PABIR3: variants seen among roughly 807,000 people sequenced by gnomAD.
PABIR3 encodes PABIR family member 3.
PABIR3 carries 20 observed loss-of-function variants against 23.1 expected under a neutral mutation model. That is an observed-to-expected ratio of 0.86 (90% confidence interval 0.61 to 1.26). The LOEUF is 1.26. PABIR3 is among the 50% of genes most tolerant of loss of function. The probability of loss-of-function intolerance (pLI) is 0.00; values close to 1 mark genes in which losing one functional copy is unlikely to be tolerated. For synonymous variants in PABIR3, 69 were observed against 68.5 expected (o/e 1.01, Z -0.04); for missense variants, 189 against 195.4 (o/e 0.97, Z 0.20).
At chrX:134,821,707 C>T in intron 3 of PABIR3, 2 of 999,160 alleles carry the variant, frequency 2.0e-6, no homozygotes, top group Non-Finnish European at 2.6e-6. Flanking sequence ...AAGTTGCAAG[C>T]ATGTAATACA....
At chrX:134,796,442 G>C (rs1011926514), upstream of PABIR3, 4 of 369,407 alleles carry the variant, frequency 1.1e-5, no homozygotes, top group Admixed American at 1.8e-4. Context: ...AGAGGAGGAC[G>C]AAGAGGTAGT....
chrX:134,862,867 C>T, the PABIR3 span, among the ~76,000 whole-genome samples: 1 of 111,680 alleles, frequency 9.0e-6, no homozygotes, highest in South Asian at 3.7e-4. Flanking sequence ...CTAATTTGTC[C>T]TAGGGAATGC....
rs189566860 is a variant in PABIR3, at chrX:134,820,422, T to C, written c.189+5573T>C. ...GTCCTATACTGGTCTATCCTTAAAA[T>C]TGGTGCCACAGGCATCTAAAGTAGC... On this transcript the variant is annotated intron_variant, in intron 3 of 10. Coordinates refer to ENST00000645433, the MANE Select transcript of PABIR3 (RefSeq NM_001388447.1). 1.3e-4 allele frequency among the ~76,000 whole-genome samples: 14 copies of C among 111,685 alleles called. No individual in the cohort carries two copies. The East Asian group carries it at 3.4e-3, about 27-fold the overall frequency.
chrX:134,848,236 C>G (rs752893005), intron 8 of PABIR3, among the ~76,000 whole-genome samples: 1 of 109,954 alleles, frequency 9.1e-6, no homozygotes, highest in South Asian at 3.9e-4. Flanking sequence ...ACTAAAAATA[C>G]AAAAATAGCC....
rs190334636 is a variant in PABIR3, at chrX:134,824,716, C to G, written c.190-4510C>G. 3.3e-3 allele frequency among the ~76,000 whole-genome samples: 365 copies of G among 111,790 alleles called. 1 individual carries two copies. Among genetic ancestry groups the G allele is most frequent in the African/African-American group, 0.011 (335 of 30,811 alleles). On this transcript the variant is annotated intron_variant, in intron 3 of 10. Transcript: ENST00000645433. ...TCGGGAGGCTGAGGCAGGAGAAATGCTTTAACCCAGGAGGTGGAGGTTGCA... is the reference window on the plus strand; with the variant it reads ...TCGGGAGGCTGAGGCAGGAGAAATGGTTTAACCCAGGAGGTGGAGGTTGCA...
chrX:134,804,799 T>C (rs1329341845), upstream of PABIR3, among the ~76,000 whole-genome samples: 1 of 112,576 alleles, frequency 8.9e-6, no homozygotes, highest in Non-Finnish European at 1.9e-5. Flanking sequence ...GTTTTTTGAC[T>C]CTGTTCTGTC....
At chrX:134,824,592 G>T (rs1364015822) in intron 3 of PABIR3, among the ~76,000 whole-genome samples, 1 of 111,960 alleles carries the variant, frequency 8.9e-6, no homozygotes, top group East Asian at 2.8e-4. Flanking sequence ...TTGAAGCCAG[G>T]AGTTCGAGAC....
chrX:134,816,645 A>G (rs953775875), intron 3 of PABIR3, among the ~76,000 whole-genome samples: 5 of 111,212 alleles, frequency 4.5e-5, no homozygotes, highest in African/African-American at 1.6e-4. Context: ...TTAAATGTTT[A>G]GTAGAGTTCA....
intron 1 of PABIR3, among the ~76,000 whole-genome samples, chrX:134,800,158 G>A (rs2080025013): frequency 9.2e-6 from 1 of 108,513 alleles, no homozygotes; most frequent in Non-Finnish European, 1.9e-5. Context: ...AGAATTAGCT[G>A]GGCATGGTGG....
In PABIR3 at chrX:134,847,361, A is replaced by G. The variant is rs750508189; in HGVS notation, c.346-22A>G. 6 of 1,149,378 alleles carry G rather than the reference A, an allele frequency of 5.2e-6. No homozygotes were observed. The African/African-American group carries it at 5.3e-5, about 10-fold the overall frequency. The allele number at this position is 1,149,378 out of a possible 1,213,427, so 94.7% of individuals were successfully genotyped here. A position where few individuals can be genotyped will look rare whatever the true frequency, so the allele number is the denominator to read the frequency against. On this transcript the variant is annotated intron_variant, in intron 6 of 10. Transcript: ENST00000645433. ...AATAAGCAATTGGTGCTACAATTGT[A>G]CACTGCTTTCTGCTTACACAGAATG...
Position 134,807,602 on chromosome X carries a change from G to A in PABIR3, c.4G>A (p.Ala2Thr). The change falls in exon 2 of 11, where the codon GCA (alanine) becomes ACA (threonine). Residue 2 changes from alanine (A) to threonine (T), a missense_variant. Physicochemically the swap from Ala to Thr is moderately conservative, Grantham distance 58. Transcript: ENST00000645433. MAQEKMKLGFKS... is the reference protein window; with the variant it reads MTQEKMKLGFKS... ...GAACTTATTCCTCGACCCGGACATG[G>A]CACAGGAGAAAATGAAACTAGGTTT... 1.7e-6 allele frequency: 2 copies of A among 1,210,694 alleles called. No individual in the cohort carries two copies. Among genetic ancestry groups the A allele is most frequent in the Non-Finnish European group, 2.2e-6 (2 of 894,920 alleles).
intron 2 of PABIR3, among the ~76,000 whole-genome samples, chrX:134,808,809 T>G (rs1282233468): frequency 2.7e-5 from 3 of 112,265 alleles, no homozygotes; most frequent in African/African-American, 9.7e-5. Context: ...GAGCCACTGC[T>G]CCTGGCCTAC....
At chrX:134,804,983 A>G (rs1283481779), upstream of PABIR3, among the ~76,000 whole-genome samples, 1 of 112,897 alleles carries the variant, frequency 8.9e-6, no homozygotes, top group South Asian at 3.6e-4. Flanking sequence ...ATTTTATCCA[A>G]CTGTAAAATA....
At chrX:134,814,977 C>A in intron 3 of PABIR3, 128 bp downstream of exon 3, 1 of 487,800 alleles carries the variant, frequency 2.1e-6, no homozygotes, top group Non-Finnish European at 3.4e-6. Flanking sequence ...GGAGTCTCAC[C>A]CCCAGGGTTT....
intron 3 of PABIR3, among the ~76,000 whole-genome samples, chrX:134,817,990 A>C (rs893794555): frequency 1.8e-5 from 2 of 111,556 alleles, no homozygotes; most frequent in Non-Finnish European, 3.8e-5. Context: ...GGAAATAGAG[A>C]AAAGTTCCAG....
intron 4 of PABIR3, chrX:134,834,288 G>T (rs182111306): frequency 2.7e-5 from 3 of 111,976 alleles, no homozygotes; most frequent in Non-Finnish European, 5.6e-5. Flanking sequence ...GCTTTTTTTC[G>T]TATGTTTGTT....
chrX:134,810,430 G>A (rs1027303472), intron 2 of PABIR3: 1 of 754,555 alleles, frequency 1.3e-6, no homozygotes, highest in Non-Finnish European at 1.6e-6. Context: ...GGAGTTTAAA[G>A]ATACAGAAAC....
chrX:134,802,867 G>T (rs1187397600), upstream of PABIR3, among the ~76,000 whole-genome samples: 5 of 112,746 alleles, frequency 4.4e-5, no homozygotes, highest in Admixed American at 4.7e-4. Context: ...AGCAAATTCT[G>T]AAGTCTCACA....
chrX:134,848,063 C>G, intron 8 of PABIR3, 92 bp downstream of exon 8: 1 of 767,391 alleles, frequency 1.3e-6, no homozygotes, highest in South Asian at 2.6e-5. Flanking sequence ...TTTGTGCCAA[C>G]CAAAGAAGTG....
Sources: allele counts gnomAD v4.1 joint callset (sites outside exome capture counted in the v4.1 genomes callset), GRCh38; gene constraint gnomAD v4.1.1; transcripts MANE v1.5; gene names NCBI Gene and HGNC (gene_info 2026-07-23, HGNC 2026-07-21).